Variants in ARHGAP5 observed in about 807,000 individuals in gnomAD.
ARHGAP5 encodes the protein rho GTPase-activating protein 5.
ARHGAP5 carries 23 observed loss-of-function variants against 116.6 expected under a neutral mutation model. That is an observed-to-expected ratio of 0.20 (90% CI 0.14 to 0.28). ARHGAP5 has a LOEUF of 0.28. Among genes scored for constraint, ARHGAP5 ranks in the 10% least tolerant of loss-of-function variants. The pLI, the probability that ARHGAP5 is intolerant of heterozygous loss-of-function variation, is 1.00. For missense variants in ARHGAP5, 1,405 were observed against 1,774.8 expected (o/e 0.79, Z 3.74); for synonymous variants, 574 against 602.0 (o/e 0.95, Z 0.68).
chr14:32,077,337 G>GGCC lies in ARHGAP5; in HGVS notation c.-265_-264insCGC. On this transcript the variant is annotated 5_prime_UTR_variant, in exon 1 of 7. Transcript: ENST00000345122. Reference sequence around the variant, plus strand: ...GAGGCGAGCGGAGAGTGGAGGAGGAGGCGGCGGCGGCGGGAGCGGTCCCCA... The same window carrying GGCC: ...GAGGCGAGCGGAGAGTGGAGGAGGAGGCCGCGGCGGCGGCGGGAGCGGTCCCCA... 1 of 682,130 alleles carries GGCC rather than the reference G, an allele frequency of 1.5e-6. No homozygotes were observed. Among genetic ancestry groups the GGCC allele is most frequent in the East Asian group, 2.8e-5 (1 of 35,718 alleles). 42.3% of individuals were successfully genotyped at this position (682,130 alleles called of 1,614,324 possible).
chr14:32,107,488 A>G (rs192559731), intron 2 of ARHGAP5, among the ~76,000 whole-genome samples: 49 of 152,322 alleles, frequency 3.2e-4, no homozygotes, highest in South Asian at 1.7e-3. Flanking sequence ...GCTTCTGTCA[A>G]TGTTTACTGA....
intron 2 of ARHGAP5, among the ~76,000 whole-genome samples, chr14:32,109,206 G>C (rs1018864815): frequency 6.6e-6 from 1 of 151,894 alleles, no homozygotes; most frequent in Non-Finnish European, 1.5e-5. Flanking sequence ...GAATCTTTTT[G>C]TTGTAGTTGA....
At chr14:32,154,460 T>C (rs1376655989) in intron 6 of ARHGAP5, 161 bp from the exon 7 acceptor site, 2 of 682,068 alleles carry the variant, frequency 2.9e-6, no homozygotes, top group Non-Finnish European at 4.8e-6. Context: ...AGGAAAAGTT[T>C]TTTACATACG....
At chr14:32,078,423 TTTTGAGATAGAG>T (rs2041735952) in intron 1 of ARHGAP5, 1 of 152,244 alleles carries the variant, frequency 6.6e-6, no homozygotes, top group South Asian at 2.1e-4. Flanking sequence ...AATTCAAATA[TTTTGAGATAGAG>T]CAAGATAGGC....
At chr14:32,085,294 T>G (rs1460280217) in intron 1 of ARHGAP5, among the ~76,000 whole-genome samples, 1 of 151,816 alleles carries the variant, frequency 6.6e-6, no homozygotes, top group Non-Finnish European at 1.5e-5. Context: ...AAAATAATTT[T>G]TAAATATTAG....
In ARHGAP5 at chr14:32,154,672, C is replaced by A. The variant is rs1881810770; in HGVS notation, c.4233C>A (p.Ile1411=). 1.2e-6 allele frequency: 2 copies of A among 1,613,890 alleles called. No homozygotes were observed. Among genetic ancestry groups the A allele is most frequent in the Non-Finnish European group, 1.7e-6 (2 of 1,179,900 alleles). The part of the protein sequence containing the change: ...INLMTADNLS[I]CFWPTLMRPD... ...TAATGACAGCAGACAACTTATCCAT[C>A]TGTTTTTGGCCAACCTTGATGAGAC... Residue 1411 remains isoleucine (I), a synonymous_variant, in exon 7 of 7, where the codon ATC becomes ATA. Transcript: ENST00000345122.
At chr14:32,116,080 G>A (rs1879560956) in intron 2 of ARHGAP5, among the ~76,000 whole-genome samples, 1 of 151,544 alleles carries the variant, frequency 6.6e-6, no homozygotes, top group Non-Finnish European at 1.5e-5. Flanking sequence ...AAGGTCAGCA[G>A]ATTGAGACTA....
chr14:32,131,429 C>T (rs1880487010), intron 3 of ARHGAP5, among the ~76,000 whole-genome samples: 1 of 152,116 alleles, frequency 6.6e-6, no homozygotes, highest in Admixed American at 6.5e-5. Flanking sequence ...AATACATTCA[C>T]ATTGTTGTGC....
In ARHGAP5 at chr14:32,092,132, A is replaced by T; in HGVS notation, c.1463A>T (p.Glu488Val). Reference sequence around the variant, plus strand: ...CGAGAAATAGTTGAAAAAGCCAAAGAAGAGTTTCAAGAAATGCTTTTTGAG... The same window carrying T: ...CGAGAAATAGTTGAAAAAGCCAAAGTAGAGTTTCAAGAAATGCTTTTTGAG... ...HQREIVEKAK[E>V]EFQEMLFEHS... Residue 488 changes from glutamate to valine, a missense_variant, in exon 2 of 7, where the codon GAA becomes GTA. Physicochemically the swap from Glu to Val is moderately radical, Grantham distance 121. This residue lies in a region of ARHGAP5 where 944 missense variants were observed against 1,095.3 expected (regional missense o/e 0.86). Coordinates refer to ENST00000345122, the MANE Select transcript of ARHGAP5 (RefSeq NM_001030055.2). The surrounding 1 kb of genome is among the most constrained non-coding windows in gnomAD (Gnocchi z 4.1). 1.2e-6 allele frequency: 2 copies of T among 1,613,900 alleles called. No homozygotes were observed. The highest frequency in any genetic ancestry group is 1.7e-6 in the Non-Finnish European group (2 of 1,179,818).
chr14:32,146,323 A>C lies in ARHGAP5; in HGVS notation c.3926A>C (p.Gln1309Pro). The change falls in exon 4 of 7, where the codon CAA (glutamine) becomes CCA (proline). Residue 1309 changes from glutamine (Q) to proline (P), a missense_variant. Transcript: ENST00000345122. ...SGNKTDQDNI[Q>P]KQFDQDHNIN... The stretch of plus-strand genomic sequence containing the variant: ...AATAAAACTGACCAAGACAATATTC[A>C]AAAGCAGTTTGATCAAGGTAAGAAG... 6.2e-7 allele frequency: 1 copy of C among 1,612,608 alleles called. No homozygotes were observed. The highest frequency in any genetic ancestry group is 8.5e-7 in the Non-Finnish European group (1 of 1,178,584).
At chr14:32,139,114 T>C (rs951877262) in intron 3 of ARHGAP5, among the ~76,000 whole-genome samples, 2 of 152,190 alleles carry the variant, frequency 1.3e-5, no homozygotes, top group Admixed American at 6.5e-5. Flanking sequence ...TCAATTAATA[T>C]TGATTTGGTT....
rs1458774338 is a variant in ARHGAP5 at position 32,146,358 on chromosome 14, T to C, written c.3943+18T>C. On this transcript the variant is annotated intron_variant, in intron 4 of 6. Transcript: ENST00000345122. ...TGATCAAGGTAAGAAGATGATTATG[T>C]GAAATAAAAATTGTTGTTTTATGTT... is the stretch of plus-strand genomic sequence containing the variant. The C allele has an allele frequency of 6.4e-7, 1 of 1,569,054 alleles. No homozygotes were observed. Among genetic ancestry groups the C allele is most frequent in the Non-Finnish European group, 8.7e-7 (1 of 1,143,326 alleles).
chr14:32,123,638 TC>T (rs761092144), intron 3 of ARHGAP5, among the ~76,000 whole-genome samples: 2 of 152,172 alleles, frequency 1.3e-5, no homozygotes, highest in Non-Finnish European at 2.9e-5. Context: ...TATTTAGTCT[TC>T]TGAATTTTTA....
intron 4 of ARHGAP5, among the ~76,000 whole-genome samples, chr14:32,149,110 C>T (rs1325756551): frequency 6.6e-6 from 1 of 151,578 alleles, no homozygotes; most frequent in African/African-American, 2.4e-5. Flanking sequence ...ACGAAATGTT[C>T]CAGTGAACAA....
chr14:32,094,140 T>C lies in ARHGAP5; in HGVS notation c.3471T>C (p.Ser1157=). The C allele has an allele frequency of 6.2e-7, 1 of 1,613,478 alleles. No homozygotes were observed. The highest frequency in any genetic ancestry group is 8.5e-7 in the Non-Finnish European group (1 of 1,179,846). ...ERRPSKYKYK[S]KTLFSKAKSY... ...GGCCTTCAAAATACAAATATAAATC[T>C]AAAACCTTGTTTAGTAAAGCCAAGT... Residue 1157 remains serine (S), a synonymous_variant, in exon 2 of 7, where the codon TCT becomes TCC. Coordinates refer to ENST00000345122, the MANE Select transcript of ARHGAP5 (RefSeq NM_001030055.2).
intron 1 of ARHGAP5, among the ~76,000 whole-genome samples, chr14:32,088,022 G>T (rs373479112): frequency 1.3e-5 from 2 of 151,940 alleles, no homozygotes; most frequent in African/African-American, 4.8e-5. Flanking sequence ...TTATGATAGA[G>T]TGTTTTCATT....
intron 2 of ARHGAP5, among the ~76,000 whole-genome samples, chr14:32,095,372 A>G (rs1878468529): frequency 6.6e-6 from 1 of 151,296 alleles, no homozygotes; most frequent in Admixed American, 6.6e-5. Context: ...TGTCGTTAGC[A>G]AATTTTCTGG....
intron 3 of ARHGAP5, among the ~76,000 whole-genome samples, chr14:32,118,049 T>C (rs1325997352): frequency 6.6e-6 from 1 of 152,198 alleles, no homozygotes; most frequent in African/African-American, 2.4e-5. Context: ...GAACCCTTGA[T>C]AGATAAGCAT....
intron 2 of ARHGAP5, 123 bp downstream of exon 2, chr14:32,094,509 T>A (rs1878429531): frequency 1.4e-6 from 1 of 693,188 alleles, no homozygotes; most frequent in African/African-American, 1.9e-5. Flanking sequence ...TAGCCCTTTT[T>A]AATTTTCTGA....
Sources: allele counts gnomAD v4.1 joint callset (sites outside exome capture counted in the v4.1 genomes callset), GRCh38; gene constraint gnomAD v4.1.1; regional missense constraint gnomAD v4.1.1; non-coding constraint Gnocchi (gnomAD v3.1); transcripts MANE v1.5; gene names NCBI Gene and HGNC (gene_info 2026-07-23, HGNC 2026-07-21).